The following MAST3 variants were observed in gnomAD, a reference collection of about 807,000 sequenced individuals.
MAST3 encodes microtubule associated serine/threonine kinase 3, also known as microtubule-associated serine/threonine-protein kinase 3.
MAST3 carries 43 observed loss-of-function variants against 127.0 expected under a neutral mutation model. That is an observed-to-expected ratio of 0.34 (90% CI 0.27 to 0.44). The LOEUF is 0.44. Ranked by LOEUF, MAST3 falls within the 20% of genes least tolerant of loss-of-function variation. The probability of loss-of-function intolerance (pLI) is 1.00; values close to 1 mark genes in which losing one functional copy is unlikely to be tolerated. For missense variants in MAST3, 1,390 were observed against 1,919.1 expected, an observed-to-expected ratio of 0.72 and a Z score of 5.15; for synonymous variants, 785 against 809.2, an observed-to-expected ratio of 0.97 and a Z score of 0.51.
chr19:18,137,847 C>T (rs984271365), intron 19 of MAST3, among the ~76,000 whole-genome samples: 1 of 152,192 alleles, frequency 6.6e-6, no homozygotes, highest in Non-Finnish European at 1.5e-5. Context: ...TGCTTCATGT[C>T]AGAGGTCTTC....
At position 18,128,881 on chromosome 19, in the gene MAST3, G is replaced by T; in HGVS notation, c.1153G>T (p.Gly385Cys). ...PESPESRALVGQSRRKPCESD... is the reference protein window; with the variant it reads ...PESPESRALVCQSRRKPCESD... ...CATCCCCTAGAGCCGCGCCCTGGTC[G>T]GCCAGTCACGGAGGAAGCCATGCGA... Residue 385 changes from glycine (G) to cysteine (C), a missense_variant, in exon 13 of 28, where the codon GGC (glycine) becomes TGC (cysteine). Coordinates refer to ENST00000687212, the MANE Select transcript of MAST3 (RefSeq NM_001393504.1). 1 of 1,613,570 alleles carries T rather than the reference G, an allele frequency of 6.2e-7. No homozygotes were observed. The highest frequency in any genetic ancestry group is 8.5e-7 in the Non-Finnish European group (1 of 1,179,840).
At chr19:18,128,973 A>AG in intron 13 of MAST3, 22 bp downstream of exon 13, 1 of 1,606,414 alleles carries the variant, frequency 6.2e-7, no homozygotes, top group Admixed American at 1.7e-5. Context: ...AGTCCTGCAT[A>AG]GACCCATTTC....
Position 18,144,076 on chromosome 19 carries a change from G to C in MAST3, c.2584+69G>C, listed in dbSNP as rs927160393. 3 of 1,518,268 alleles carry C rather than the reference G, an allele frequency of 2.0e-6. No homozygotes were observed. The highest frequency in any genetic ancestry group is 2.6e-6 in the Non-Finnish European group (3 of 1,134,136). The allele number at this position is 1,518,268 out of a possible 1,614,324, so 94.0% of individuals were successfully genotyped here. A position where few individuals can be genotyped will look rare whatever the true frequency, so the allele number is the denominator to read the frequency against. Reference sequence around the variant, plus strand: ...CCCAGAGGAGGGGCTATTTGAGATGGGTTTTCAAGGATGAGTAGGAGTTCT... The same window carrying C: ...CCCAGAGGAGGGGCTATTTGAGATGCGTTTTCAAGGATGAGTAGGAGTTCT... On this transcript the variant is annotated intron_variant, in intron 22 of 27. Transcript: ENST00000687212. The surrounding 1 kb of genome is among the most constrained non-coding windows in gnomAD (Gnocchi z 4.0).
At chr19:18,104,802 A>G (rs999710760) in intron 1 of MAST3, among the ~76,000 whole-genome samples, 1 of 152,136 alleles carries the variant, frequency 6.6e-6, no homozygotes, top group East Asian at 1.9e-4. Context: ...CAGTAAATGC[A>G]AGGACATTTA....
chr19:18,128,368 G>A (rs746620374), intron 11 of MAST3, 32 bp from the exon 12 acceptor site: 2 of 1,525,894 alleles, frequency 1.3e-6, no homozygotes, highest in Non-Finnish European at 1.8e-6. Flanking sequence ...AGGCAGGGAG[G>A]CTCCAGCTGA....
chr19:18,120,126 G>A (rs927053940), intron 3 of MAST3, among the ~76,000 whole-genome samples: 9 of 152,200 alleles, frequency 5.9e-5, no homozygotes, highest in African/African-American at 1.4e-4. Flanking sequence ...GGATCTGGTG[G>A]CCAGAAGGGA....
At chr19:18,129,316 C>T (rs1488230402) in intron 13 of MAST3, 11 of 224,212 alleles carry the variant, frequency 4.9e-5, no homozygotes, top group Middle Eastern at 1.6e-3. Context: ...TAGCATAAGC[C>T]TTTTGGAGGC....
At chr19:18,108,252 C>A (rs1385296000) in intron 2 of MAST3, among the ~76,000 whole-genome samples, 1 of 151,514 alleles carries the variant, frequency 6.6e-6, no homozygotes, top group Non-Finnish European at 1.5e-5. Flanking sequence ...CTCCCACCAC[C>A]AGACTTCAGT....
chr19:18,110,361 C>A lies in MAST3; in HGVS notation c.72-291C>A. On this transcript the variant is annotated intron_variant, in intron 2 of 27. Transcript: ENST00000687212. This position sits in a 1 kb window ranked among gnomAD's most constrained non-coding sequence, Gnocchi z 4.3. ...ACAAGCTGCACATCCCGGCGCTGAC[C>A]CTCGAGTGAGTGTTGGGCAGGGCGG... 5.1e-6 allele frequency: 5 copies of A among 985,560 alleles called. No homozygotes were observed. Among genetic ancestry groups the A allele is most frequent in the Non-Finnish European group, 6.0e-6 (5 of 830,034 alleles). 61.1% of individuals were successfully genotyped at this position (985,560 alleles called of 1,614,324 possible).
intron 3 of MAST3, 34 bp from the exon 4 acceptor site, chr19:18,121,651 C>T: frequency 1.9e-6 from 3 of 1,587,396 alleles, no homozygotes; most frequent in African/African-American, 2.7e-5. Context: ...GGGCCCTGGG[C>T]AGCCACCTAC....
At chr19:18,103,176 G>C (rs1300464627) in intron 1 of MAST3, among the ~76,000 whole-genome samples, 6 of 152,078 alleles carry the variant, frequency 3.9e-5, no homozygotes, top group Admixed American at 3.3e-4. Flanking sequence ...AGTTCTGTGT[G>C]GTCCAGCTTC....
chr19:18,100,814 G>T (rs193301405), intron 1 of MAST3, among the ~76,000 whole-genome samples: 1 of 152,340 alleles, frequency 6.6e-6, no homozygotes, highest in African/African-American at 2.4e-5. Context: ...TCAGGGGGTA[G>T]ATCGCTGATG....
Position 18,124,100 on chromosome 19 carries a change from C to A in MAST3, c.795C>A (p.Ser265=). The part of the protein sequence containing the change: ...LAKSGENLVT[S]RYFLEMQEKL... ...AGTCTGGCGAGAACCTCGTCACCTC[C>A]CGCTACTTCCTAGAGATGCAGGAGA... The change falls in exon 9 of 28, where the codon TCC becomes TCA. Residue 265 remains serine, a synonymous_variant. Transcript: ENST00000687212. 1 of 1,611,708 alleles carries A rather than the reference C, an allele frequency of 6.2e-7. No homozygotes were observed. The highest frequency in any genetic ancestry group is 2.2e-5 in the East Asian group (1 of 44,762).
chr19:18,100,128 C>CTCTTTTTT lies in MAST3; in HGVS notation c.39+2298_39+2299insCTTTTTTT, dbSNP rs776661078. Among the ~76,000 whole-genome samples, 172 of 121,704 alleles carry CTCTTTTTT rather than the reference C, an allele frequency of 1.4e-3. 1 individual carries two copies. Among genetic ancestry groups the CTCTTTTTT allele is most frequent in the Middle Eastern group, 4.2e-3 (1 of 236 alleles). 79.8% of individuals were successfully genotyped at this position (121,704 alleles called of 152,430 possible). A position where few individuals can be genotyped will look rare whatever the true frequency, so the allele number is the denominator to read the frequency against. On this transcript the variant is annotated intron_variant, in intron 1 of 27. Transcript: ENST00000687212. The stretch of plus-strand genomic sequence containing the variant: ...GGCAGAAGGATCTCTCTCTCTCTCT[C>CTCTTTTTT]TTTTTTTTTTTTTTGAGAAAGAATC...
In MAST3 at chr19:18,149,690, C is replaced by T. The variant is rs375907570; in HGVS notation, c.4008C>T (p.Ala1336=). Residue 1336 remains alanine (A), a synonymous_variant, in exon 28 of 28, where the codon GCC becomes GCT. Coordinates refer to ENST00000687212, the MANE Select transcript of MAST3 (RefSeq NM_001393504.1). This position sits in a 1 kb window ranked among gnomAD's most constrained non-coding sequence, Gnocchi z 5.9. ...AGATCGCCGTGGAGGGCGAGGAAGC[C>T]GTGCCAGTAGCTCTCGGGCCCACCG... ...VPQIAVEGEE[A]VPVALGPTGR... 75 of 1,612,922 alleles carry T rather than the reference C, an allele frequency of 4.6e-5. No homozygotes were observed. In the African/African-American group the frequency reaches 5.6e-4, roughly 12 times the overall value.
intron 14 of MAST3, 21 bp downstream of exon 14, chr19:18,130,723 A>G (rs766981581): frequency 9.1e-5 from 147 of 1,608,144 alleles, no homozygotes; most frequent in Non-Finnish European, 1.2e-4. Context: ...TGGGGCTTGC[A>G]TGCCTCCAGC....
chr19:18,137,202 G>A, intron 18 of MAST3, 37 bp from the exon 19 acceptor site: 2 of 1,580,064 alleles, frequency 1.3e-6, no homozygotes, highest in South Asian at 1.2e-5. Flanking sequence ...GGCGGGTGAG[G>A]TGAGGACCTG....
At chr19:18,136,109 G>A (rs1460516215) in intron 18 of MAST3, among the ~76,000 whole-genome samples, 5 of 152,238 alleles carry the variant, frequency 3.3e-5, no homozygotes, top group Admixed American at 1.3e-4. Context: ...ACCAGGACCT[G>A]TGTCAAAGGC....
intron 1 of MAST3, among the ~76,000 whole-genome samples, chr19:18,102,081 C>T (rs550643402): frequency 5.1e-4 from 77 of 151,656 alleles, no homozygotes; most frequent in African/African-American, 1.5e-3. Flanking sequence ...GGGCTTTCAC[C>T]GTGTTAGCCA....
Sources: allele counts gnomAD v4.1 joint callset (sites outside exome capture counted in the v4.1 genomes callset), GRCh38; gene constraint gnomAD v4.1.1; non-coding constraint Gnocchi (gnomAD v3.1); transcripts MANE v1.5; gene names NCBI Gene and HGNC (gene_info 2026-07-23, HGNC 2026-07-21).